The following UBE2A variants were observed in gnomAD, a reference collection of about 807,000 sequenced individuals.
The protein encoded by UBE2A is ubiquitin conjugating enzyme E2 A.
For synonymous variants in UBE2A, 39 were observed against 41.1 expected (o/e 0.95, Z 0.20); for missense variants, 27 against 125.8 (o/e 0.21, Z 3.76).
Position 119,574,587 on chromosome X carries a change from G to A in UBE2A, c.-125G>A, listed in dbSNP as rs1040911018. On this transcript the variant is annotated 5_prime_UTR_variant, in exon 1 of 6. Transcript: ENST00000371558. ...CAGACCGACCCTCGACTTCGGAGAG[G>A]CAGCGCGGTTCCTCTGGGTGCTTCC... is the stretch of plus-strand genomic sequence containing the variant. The A allele has an allele frequency of 2.1e-6, 2 of 943,684 alleles. No individual in the cohort carries two copies. The highest frequency in any genetic ancestry group is 3.0e-6 in the Non-Finnish European group (2 of 677,776). 77.8% of individuals were successfully genotyped at this position (943,684 alleles called of 1,213,427 possible). A position where few individuals can be genotyped will look rare whatever the true frequency, so the allele number is the denominator to read the frequency against.
At chrX:119,575,811 C>A in intron 3 of UBE2A, 1 of 170,870 alleles carries the variant, frequency 5.9e-6, no homozygotes, top group East Asian at 1.5e-4. Flanking sequence ...GAGTTGTGTT[C>A]AGCAGGTGCT....
intron 3 of UBE2A, among the ~76,000 whole-genome samples, chrX:119,577,794 C>T (rs1229162345): frequency 2.7e-5 from 3 of 109,393 alleles, no homozygotes; most frequent in African/African-American, 1.0e-4. Context: ...GCACCTACCA[C>T]CATGCCCAGC....
intron 3 of UBE2A, chrX:119,575,668 G>A: frequency 2.9e-6 from 1 of 348,979 alleles, no homozygotes. Flanking sequence ...TGGTATTAAG[G>A]ATTTTTGAGG....
Position 119,574,830 on chromosome X carries a change from G to A in UBE2A, c.45-71G>A. The A allele has an allele frequency of 8.3e-6, 10 of 1,201,006 alleles. No homozygotes were observed. The South Asian group carries it at 1.6e-4, about 19-fold the overall frequency. On this transcript the variant is annotated intron_variant, in intron 1 of 5. Transcript: ENST00000371558. The stretch of plus-strand genomic sequence containing the variant: ...GCGGGTCCCGAGGCGCGCCGGGCGG[G>A]GAGGGCTGGGGAGCGGCCGGGAGCG...
In UBE2A at chrX:119,584,300, C is replaced by G. The variant is rs1323787947; in HGVS notation, c.*1045C>G. The G allele has an allele frequency of 9.0e-6, 1 of 111,490 alleles. No homozygotes were observed. Among genetic ancestry groups the G allele is most frequent in the African/African-American group, 3.3e-5 (1 of 30,589 alleles). 9.2% of individuals were successfully genotyped at this position (111,490 alleles called of 1,213,427 possible). The stretch of plus-strand genomic sequence containing the variant: ...GGGACAAGGCTTGTAAATGTTTTGT[C>G]TAATGTTCTATTGTCACCTTTTATG... On this transcript the variant is annotated 3_prime_UTR_variant, in exon 6 of 6. Transcript: ENST00000371558.
chrX:119,574,738 C>T lies in UBE2A; in HGVS notation c.27C>T (p.Leu9=). The part of the protein sequence containing the change: MSTPARRR[L]MRDFKRLQED... ...TGTCCACCCCGGCTCGGCGGCGCCTCATGCGGGACTTCAAGAGGTAAACCG... is the reference window on the plus strand; with the variant it reads ...TGTCCACCCCGGCTCGGCGGCGCCTTATGCGGGACTTCAAGAGGTAAACCG... Residue 9 remains leucine, a synonymous_variant, in exon 1 of 6, where the codon CTC becomes CTT. Coordinates refer to ENST00000371558, the MANE Select transcript of UBE2A (RefSeq NM_003336.4). The T allele has an allele frequency of 8.4e-7, 1 of 1,197,470 alleles. No individual in the cohort carries two copies. The highest frequency in any genetic ancestry group is 1.1e-6 in the Non-Finnish European group (1 of 889,013).
intron 3 of UBE2A, among the ~76,000 whole-genome samples, chrX:119,576,784 G>T (rs1276656866): frequency 8.9e-6 from 1 of 112,156 alleles, no homozygotes. Flanking sequence ...GCAAAGAAAA[G>T]AAATGACAGC....
At chrX:119,579,007 T>G (rs1392215023) in intron 3 of UBE2A, among the ~76,000 whole-genome samples, 1 of 111,979 alleles carries the variant, frequency 8.9e-6, no homozygotes, top group African/African-American at 3.2e-5. Flanking sequence ...AACATTTGTT[T>G]TAGAGCTTAG....
In UBE2A at chrX:119,574,970, G is replaced by C; in HGVS notation, c.114G>C (p.Ala38=). The part of the protein sequence containing the change: ...PSENNIMVWN[A]VIFGPEGTPF... Reference sequence around the variant, plus strand: ...AGAACAACATAATGGTGTGGAACGCGGTCATTTTCGGGTGAGTCTGCGTTC... The same window carrying C: ...AGAACAACATAATGGTGTGGAACGCCGTCATTTTCGGGTGAGTCTGCGTTC... Residue 38 remains alanine (A), a synonymous_variant, in exon 2 of 6, where the codon GCG becomes GCC. Coordinates refer to ENST00000371558, the MANE Select transcript of UBE2A (RefSeq NM_003336.4). The C allele has an allele frequency of 8.2e-7, 1 of 1,212,128 alleles. No individual in the cohort carries two copies. Among genetic ancestry groups the C allele is most frequent in the Non-Finnish European group, 1.1e-6 (1 of 895,419 alleles).
chrX:119,581,641 T>G, intron 4 of UBE2A, 45 bp downstream of exon 4: 1 of 948,863 alleles, frequency 1.1e-6, no homozygotes, highest in Non-Finnish European at 1.5e-6. Flanking sequence ...CTATAGTGTT[T>G]ATTATGGAGT....
At chrX:119,576,564 A>G (rs760577854) in intron 3 of UBE2A, among the ~76,000 whole-genome samples, 1 of 111,789 alleles carries the variant, frequency 8.9e-6, no homozygotes, top group South Asian at 3.7e-4. Context: ...CATTTCTGCA[A>G]ACTACTTAAT....
chrX:119,577,992 G>T (rs1314553684), intron 3 of UBE2A, among the ~76,000 whole-genome samples: 1 of 111,281 alleles, frequency 9.0e-6, no homozygotes, highest in Admixed American at 9.6e-5. Flanking sequence ...TTTACAGTTA[G>T]AGAAAAGACT....
intron 3 of UBE2A, among the ~76,000 whole-genome samples, chrX:119,579,092 A>G (rs925992523): frequency 8.9e-6 from 1 of 112,414 alleles, no homozygotes; most frequent in Non-Finnish European, 1.9e-5. Context: ...CCCTCTTTTT[A>G]ATGTGTACCT....
chrX:119,575,075 G>A, intron 2 of UBE2A, 94 bp downstream of exon 2: 1 of 1,090,925 alleles, frequency 9.2e-7, no homozygotes, highest in Non-Finnish European at 1.3e-6. Context: ...GGCCGAGCGG[G>A]TAGGGGAAAA....
Position 119,584,383 on chromosome X carries a change from A to G in UBE2A, c.*1128A>G, listed in dbSNP as rs1203945138. On this transcript the variant is annotated 3_prime_UTR_variant, in exon 6 of 6. Transcript: ENST00000371558. The stretch of plus-strand genomic sequence containing the variant: ...GTAACCCATGTAAAAAAAAATGTAC[A>G]TTTTTCAAAAGTTGTAAATAAAAAT... The G allele has an allele frequency of 2.8e-5, 3 of 107,811 alleles. No individual in the cohort carries two copies. The highest frequency in any genetic ancestry group is 3.8e-5 in the Non-Finnish European group (2 of 52,078). The allele number at this position is 107,811 out of a possible 1,213,427, so 8.9% of individuals were successfully genotyped here.
chrX:119,582,566 G>C (rs751042714), intron 4 of UBE2A, 22 bp from the exon 5 acceptor site: 15 of 1,141,038 alleles, frequency 1.3e-5, no homozygotes, highest in Non-Finnish European at 1.8e-5. Flanking sequence ...TACGTTTAAT[G>C]TACCTACTTC....
chrX:119,581,381 C>T (rs1415069214), intron 3 of UBE2A, 126 bp from the exon 4 acceptor site: 12 of 463,182 alleles, frequency 2.6e-5, no homozygotes, highest in Non-Finnish European at 4.6e-5. Flanking sequence ...CTTACCTGGC[C>T]TTTCCTCTCT....
Position 119,581,586 on chromosome X carries a change from C to T in UBE2A, c.231C>T (p.Phe77=), listed in dbSNP as rs772368376. ...PPTVRFVSKM[F]HPNVYADGSI... ...CAGTTAGATTTGTCTCTAAGATGTT[C>T]CATCCAAATGGCAAGTATCACTTTT... The change falls in exon 4 of 6, where the codon TTC becomes TTT. Residue 77 remains phenylalanine, a synonymous_variant. Transcript: ENST00000371558. 8.4e-7 allele frequency: 1 copy of T among 1,191,410 alleles called. No homozygotes were observed. Among genetic ancestry groups the T allele is most frequent in the South Asian group, 1.8e-5 (1 of 56,512 alleles).
intron 1 of UBE2A, 33 bp downstream of exon 1, chrX:119,574,788 G>C: frequency 8.4e-7 from 1 of 1,183,680 alleles, no homozygotes; most frequent in Non-Finnish European, 1.1e-6. Context: ...GCCGGGGGTT[G>C]CGAGCTGGGG....
Sources: allele counts gnomAD v4.1 joint callset (sites outside exome capture counted in the v4.1 genomes callset), GRCh38; gene constraint gnomAD v4.1.1; transcripts MANE v1.5; gene names NCBI Gene and HGNC (gene_info 2026-07-23, HGNC 2026-07-21).